The following FGF12 variants were observed in gnomAD, a reference collection of about 807,000 sequenced individuals.
FGF12 encodes the protein fibroblast growth factor 12B.
In FGF12, 14 loss-of-function variants were observed where a neutral mutation model predicts 23.6. That is an observed-to-expected ratio of 0.59 (90% CI 0.39 to 0.93). The LOEUF (loss-of-function observed/expected upper bound fraction) is 0.93, where lower values mean the gene tolerates loss of function less well. Ranked by LOEUF, FGF12 falls within the 40% of genes least tolerant of loss-of-function variation. FGF12 has a pLI of 0.00. For synonymous variants in FGF12, 62 were observed against 77.3 expected (o/e 0.80, Z 1.04); for missense variants, 175 against 217.8 (o/e 0.80, Z 1.24).
intron 2 of FGF12, among the ~76,000 whole-genome samples, chr3:192,573,295 A>T (rs1385346838): frequency 6.6e-6 from 1 of 152,188 alleles, no homozygotes; most frequent in African/African-American, 2.4e-5. Context: ...TTATGTGTCA[A>T]CTTGACCAGC....
chr3:192,390,140 T>C (rs1720230245), intron 2 of FGF12, among the ~76,000 whole-genome samples: 1 of 152,216 alleles, frequency 6.6e-6, no homozygotes, highest in South Asian at 2.1e-4. Flanking sequence ...GGAAAGCCCT[T>C]TTGTGTCATA....
chr3:192,644,180 A>G (rs1715911786), intron 2 of FGF12, among the ~76,000 whole-genome samples: 1 of 152,188 alleles, frequency 6.6e-6, no homozygotes, highest in African/African-American at 2.4e-5. Flanking sequence ...ATGTAAATAC[A>G]TGTTTTGCTG....
In FGF12 at chr3:192,278,112, C is replaced by T. The variant is rs114374848; in HGVS notation, c.228+57249G>A. Among the ~76,000 whole-genome samples, 712 of 152,218 alleles carry T rather than the reference C, an allele frequency of 4.7e-3. 4 individuals carry two copies. Among genetic ancestry groups the T allele is most frequent in the Non-Finnish European group, 7.6e-3 (519 of 68,012 alleles). On this transcript the variant is annotated intron_variant, in intron 4 of 5. Coordinates refer to ENST00000445105, the MANE Select transcript of FGF12 (RefSeq NM_004113.6). ...TGTTACCAATCAGTCAGCTTACCTA[C>T]GTTAAAGACTGAAAATCATCACTAT...
intron 2 of FGF12, among the ~76,000 whole-genome samples, chr3:192,718,161 CTTTT>C (rs71177369): frequency 1.3e-5 from 1 of 77,966 alleles, no homozygotes; most frequent in Non-Finnish European, 2.5e-5. Flanking sequence ...GTTAGTCTTT[CTTTT>C]TTTTTTTTTT....
chr3:192,223,860 A>T (rs62294739), intron 4 of FGF12, among the ~76,000 whole-genome samples: 2,356 of 152,238 alleles, frequency 0.015, 34 homozygotes, highest in Middle Eastern at 0.058. Context: ...GACTAAATTG[A>T]CAAAAATACT....
intron 5 of FGF12, among the ~76,000 whole-genome samples, chr3:192,155,323 C>T (rs1357924908): frequency 1.3e-5 from 2 of 152,186 alleles, no homozygotes; most frequent in East Asian, 1.9e-4. Flanking sequence ...CCTATTCGGC[C>T]GTCTTTCAGC....
intron 2 of FGF12, among the ~76,000 whole-genome samples, chr3:192,686,016 C>A (rs1304612878): frequency 1.8e-4 from 27 of 152,114 alleles, no homozygotes; most frequent in Non-Finnish European, 2.9e-5. Context: ...GTGGCGCAAT[C>A]AGGGATGTTG....
intron 2 of FGF12, among the ~76,000 whole-genome samples, chr3:192,706,158 A>AT (rs1718461669): frequency 3.3e-5 from 5 of 152,216 alleles, no homozygotes; most frequent in African/African-American, 1.2e-4. Context: ...AAGTTTTGGC[A>AT]TTTTCTTTAA....
intron 2 of FGF12, among the ~76,000 whole-genome samples, chr3:192,463,206 G>T (rs1722912185): frequency 6.6e-6 from 1 of 152,062 alleles, no homozygotes. Flanking sequence ...ATCACTTGAG[G>T]CCAGAAGTTC....
At chr3:192,296,228 AT>A (rs111520545) in intron 4 of FGF12, among the ~76,000 whole-genome samples, 1,719 of 132,846 alleles carry the variant, frequency 0.013, 22 homozygotes, top group African/African-American at 0.044. Context: ...ATTTTATTTT[AT>A]TTTTTTTTTT....
intron 2 of FGF12, among the ~76,000 whole-genome samples, chr3:192,415,423 A>G (rs952998465): frequency 2.6e-5 from 4 of 152,116 alleles, no homozygotes; most frequent in Non-Finnish European, 5.9e-5. Flanking sequence ...AAAATACTCA[A>G]ATAAATGAAT....
At chr3:192,660,600 T>C (rs1327584378) in intron 2 of FGF12, among the ~76,000 whole-genome samples, 1 of 151,940 alleles carries the variant, frequency 6.6e-6, no homozygotes, top group Non-Finnish European at 1.5e-5. Flanking sequence ...CTGACCATTG[T>C]ATACTCTGTT....
Position 192,494,195 on chromosome 3 carries a change from T to C in FGF12, c.14-133657A>G, listed in dbSNP as rs2036380. On this transcript the variant is annotated intron_variant, in intron 2 of 5. Transcript: ENST00000445105. ...GAAAATTCACTAGCTCTTCCTCTCG[T>C]AACATCTTAGATTTGACACAGAATA... 9.3e-3 allele frequency among the ~76,000 whole-genome samples: 1,412 copies of C among 152,312 alleles called. 26 individuals carry two copies. Among genetic ancestry groups the C allele is most frequent in the Admixed American group, 0.058 (889 of 15,296 alleles).
intron 2 of FGF12, among the ~76,000 whole-genome samples, chr3:192,519,422 G>A (rs947282996): frequency 6.6e-6 from 1 of 152,168 alleles, no homozygotes; most frequent in African/African-American, 2.4e-5. Context: ...AAGTGATGTT[G>A]TATCCTTCTT....
chr3:192,279,398 G>T (rs1486296455), intron 4 of FGF12, among the ~76,000 whole-genome samples: 3 of 151,990 alleles, frequency 2.0e-5, no homozygotes, highest in African/African-American at 7.3e-5. Context: ...TGAATGAACT[G>T]CCAGACATTT....
chr3:192,573,347 T>A (rs1205068912), intron 2 of FGF12, among the ~76,000 whole-genome samples: 1 of 152,218 alleles, frequency 6.6e-6, no homozygotes. Context: ...ATTCTAAGTA[T>A]TCCTGCAACG....
chr3:192,467,933 C>T (rs767756301), intron 2 of FGF12, among the ~76,000 whole-genome samples: 3 of 152,152 alleles, frequency 2.0e-5, no homozygotes, highest in Non-Finnish European at 4.4e-5. Flanking sequence ...ATATACATCT[C>T]AAATGTCTTT....
At chr3:192,203,031 T>C (rs1028372545) in intron 4 of FGF12, among the ~76,000 whole-genome samples, 3 of 152,184 alleles carry the variant, frequency 2.0e-5, no homozygotes, top group African/African-American at 7.2e-5. Flanking sequence ...TCAGCTACTT[T>C]TATTTTCAAA....
At chr3:192,330,941 T>C (rs1421268459) in intron 4 of FGF12, among the ~76,000 whole-genome samples, 1 of 152,024 alleles carries the variant, frequency 6.6e-6, no homozygotes, top group Non-Finnish European at 1.5e-5. Flanking sequence ...GGAGAAAATA[T>C]TTGCAAATCA....
Sources: gnomAD v4.1 joint callset for allele counts (sites outside exome capture counted in the v4.1 genomes callset) on GRCh38, gnomAD v4.1.1 for gene constraint, MANE v1.5 for transcripts, NCBI Gene and HGNC (gene_info 2026-07-23, HGNC 2026-07-21) for gene names.